The following AREL1 variants were observed in gnomAD, a reference collection of about 807,000 sequenced individuals.
AREL1 encodes apoptosis resistant E3 ubiquitin protein ligase 1.
A neutral mutation model predicts 99.0 loss-of-function variants in AREL1; 62 were observed. The observed-to-expected ratio is 0.63, with a 90% CI of 0.51 to 0.77. AREL1 has a LOEUF of 0.77. Among genes scored for constraint, AREL1 ranks in the 30% least tolerant of loss-of-function variants. AREL1 has a pLI of 0.00. For synonymous variants in AREL1, 380 were observed against 376.5 expected (o/e 1.01, Z -0.11); for missense variants, 879 against 1,027.6 (o/e 0.86, Z 1.98).
chr14:74,700,104 C>T (rs2090055759), intron 1 of AREL1, among the ~76,000 whole-genome samples: 2 of 152,218 alleles, frequency 1.3e-5, no homozygotes, highest in African/African-American at 2.4e-5. Context: ...AAAACTACAG[C>T]AACAATCCAA....
chr14:74,696,127 CA>C (rs2089975080), intron 1 of AREL1, among the ~76,000 whole-genome samples: 1 of 152,196 alleles, frequency 6.6e-6, no homozygotes, highest in South Asian at 2.1e-4. Flanking sequence ...ATATGGCCCA[CA>C]AAACTTTACT....
chr14:74,704,730 A>G (rs796788060), intron 1 of AREL1, among the ~76,000 whole-genome samples: 41 of 152,324 alleles, frequency 2.7e-4, no homozygotes, highest in African/African-American at 9.9e-4. Context: ...CAGAAAATAC[A>G]CTTTTTAAAG....
rs778707370 is a variant in AREL1, at chr14:74,669,990, C to A, written c.1745G>T (p.Arg582Leu). The A allele has an allele frequency of 6.2e-7, 1 of 1,613,348 alleles. No homozygotes were observed. Among genetic ancestry groups the A allele is most frequent in the Non-Finnish European group, 8.5e-7 (1 of 1,179,666 alleles). The part of the protein sequence containing the change: ...YKQLVRARFT[R>L]SFLAQIIGLR... The stretch of plus-strand genomic sequence containing the variant: ...TCCTATGATTTGGGCCAGGAAAGAG[C>A]GGGTGAAGCGAGCTCGGACCAACTG... Residue 582 changes from arginine (R) to leucine (L), a missense_variant, in exon 14 of 20, where the codon CGC becomes CTC. Physicochemically the swap from Arg to Leu is moderately radical, Grantham distance 102 (BLOSUM62 -2). Coordinates refer to ENST00000356357, the MANE Select transcript of AREL1 (RefSeq NM_001039479.2).
rs956659111 is a variant in AREL1, at chr14:74,678,329, C to G, written c.482-1577G>C. 4 of 390,696 alleles carry G rather than the reference C, an allele frequency of 1.0e-5. No individual in the cohort carries two copies. The Admixed American group carries it at 1.5e-4, about 14-fold the overall frequency. The allele number at this position is 390,696 out of a possible 1,614,324, so 24.2% of individuals were successfully genotyped here. On this transcript the variant is annotated intron_variant, in intron 5 of 19. Transcript: ENST00000356357. ...CTGGGCAACATAGTGAGACCCTATT[C>G]CTACAAAAAAGATAAAAAATTAGCT...
intron 2 of AREL1, 37 bp from the exon 3 acceptor site, chr14:74,685,697 C>T: frequency 6.3e-7 from 1 of 1,575,658 alleles, no homozygotes. Flanking sequence ...TTGTCTCCAA[C>T]TCTGCCTCAT....
intron 11 of AREL1, 118 bp from the exon 12 acceptor site, chr14:74,671,601 G>A: frequency 1.8e-6 from 1 of 546,508 alleles, no homozygotes; most frequent in Non-Finnish European, 3.2e-6. Flanking sequence ...GCCTGAAGGA[G>A]ATATGTTACT....
At position 74,673,080 on chromosome 14, in the gene AREL1, T is replaced by C. The variant is rs1398690266; in HGVS notation, c.1297A>G (p.Ile433Val). The C allele has an allele frequency of 1.2e-6, 2 of 1,614,052 alleles. No individual in the cohort carries two copies. Among genetic ancestry groups the C allele is most frequent in the African/African-American group, 1.3e-5 (1 of 74,934 alleles). ...TAGAATCCCTGTGTAACCTCACCTA[T>C]GTTCTTATGCAGGGAGCGGATAAAA... is the stretch of plus-strand genomic sequence containing the variant. ...ATFIRSLHKN[I>V]GGSETFQDKV... is the part of the protein sequence containing the mutation. Residue 433 changes from isoleucine to valine, a missense_variant, in exon 10 of 20, where the codon ATA (isoleucine) becomes GTA (valine). Physicochemically the swap from Ile to Val is conservative, Grantham distance 29. Transcript: ENST00000356357.
At chr14:74,706,040 C>T (rs1356407194) in intron 1 of AREL1, among the ~76,000 whole-genome samples, 3 of 152,092 alleles carry the variant, frequency 2.0e-5, no homozygotes, top group Admixed American at 6.6e-5. Flanking sequence ...CATTCTTAAC[C>T]CTAAATCTAG....
At position 74,670,851 on chromosome 14, in the gene AREL1, G is replaced by A. The variant is rs748782547; in HGVS notation, c.1519C>T (p.Arg507Cys). ...DEEALDWGGP[R>C]REWFELICKA... ...CAGATTAGCTCAAACCATTCCCGGC[G>A]AGGCCCTCCCCAGTCCAGAGCTGAA... Residue 507 changes from arginine (R) to cysteine (C), a missense_variant, in exon 13 of 20, where the codon CGC (arginine) becomes TGC (cysteine). Physicochemically the swap from Arg to Cys is radical, Grantham distance 180 (BLOSUM62 -3). Transcript: ENST00000356357. 4.0e-5 allele frequency: 65 copies of A among 1,613,924 alleles called. No homozygotes were observed. The highest frequency in any genetic ancestry group is 3.3e-4 in the Middle Eastern group (2 of 6,084).
chr14:74,683,207 T>A, intron 5 of AREL1, 89 bp downstream of exon 5: 1 of 887,970 alleles, frequency 1.1e-6, no homozygotes, highest in Non-Finnish European at 1.7e-6. Context: ...TAAATCTCAA[T>A]AAAGGTATTA....
At chr14:74,711,298 G>A (rs1268954002) in intron 1 of AREL1, among the ~76,000 whole-genome samples, 5 of 151,398 alleles carry the variant, frequency 3.3e-5, no homozygotes, top group African/African-American at 1.2e-4. Context: ...CCAGAACTTT[G>A]GGAGGCCGAG....
intron 1 of AREL1, among the ~76,000 whole-genome samples, chr14:74,697,848 T>G (rs1355157137): frequency 6.6e-6 from 1 of 152,168 alleles, no homozygotes; most frequent in East Asian, 1.9e-4. Flanking sequence ...CACAGAAATC[T>G]ACTGTGCTGC....
chr14:74,687,718 A>G (rs944943909), intron 2 of AREL1, among the ~76,000 whole-genome samples: 4 of 152,212 alleles, frequency 2.6e-5, no homozygotes, highest in African/African-American at 9.6e-5. Context: ...AGCAGCCTAC[A>G]GTAGTGCCTG....
chr14:74,676,688 C>G lies in AREL1; in HGVS notation c.546G>C (p.Gly182=). ...CHFSTLVLTC[G]QPHTLQIVPR... The stretch of plus-strand genomic sequence containing the variant: ...GTACTATTTGAAGGGTGTGCGGCTG[C>G]CCACAGGTCAATACAAGAGTAGAAA... Residue 182 remains glycine (G), a synonymous_variant, in exon 6 of 20, where the codon GGG becomes GGC. Coordinates refer to ENST00000356357, the MANE Select transcript of AREL1 (RefSeq NM_001039479.2). 1.2e-6 allele frequency: 2 copies of G among 1,613,922 alleles called. No homozygotes were observed. The highest frequency in any genetic ancestry group is 2.2e-5 in the South Asian group (2 of 91,054).
intron 11 of AREL1, 119 bp downstream of exon 11, chr14:74,672,712 G>C (rs2089377348): frequency 7.2e-7 from 1 of 1,397,030 alleles, no homozygotes; most frequent in Non-Finnish European, 9.8e-7. Flanking sequence ...CCCAGCCTGG[G>C]CAATAGAGTG....
At chr14:74,686,753 T>A (rs1287007562) in intron 2 of AREL1, among the ~76,000 whole-genome samples, 18 of 152,170 alleles carry the variant, frequency 1.2e-4, no homozygotes, top group Admixed American at 1.2e-3. Flanking sequence ...AGTAGGTAAT[T>A]TGAGGAATGA....
chr14:74,707,792 CA>C lies in AREL1; in HGVS notation c.-334+5140del, dbSNP rs35181427. Among the ~76,000 whole-genome samples the C allele has an allele frequency of 7.8e-3, 814 of 104,572 alleles. 6 individuals carry two copies. Among genetic ancestry groups the C allele is most frequent in the African/African-American group, 0.028 (752 of 26,682 alleles). The allele number at this position is 104,572 out of a possible 152,430, so 68.6% of individuals were successfully genotyped here. A position where few individuals can be genotyped will look rare whatever the true frequency, so the allele number is the denominator to read the frequency against. ...CTGGGCGACAGAGTGAGATTCGTCT[CA>C]AAAAAAAAAAAAAATTAGACGGGTA... On this transcript the variant is annotated intron_variant, in intron 1 of 19. Coordinates refer to ENST00000356357, the MANE Select transcript of AREL1 (RefSeq NM_001039479.2).
Position 74,667,605 on chromosome 14 carries a change from C to A in AREL1, c.1915-11G>T. On this transcript the variant is annotated splice_polypyrimidine_tract_variant and intron_variant, in intron 15 of 19. Transcript: ENST00000356357. ...CATGAGTTCTACAACCTGTAACAGG[C>A]AGCAAAAGACAGACAAGGGAGAGGC... is the stretch of plus-strand genomic sequence containing the variant. 6.3e-7 allele frequency: 1 copy of A among 1,591,676 alleles called. No homozygotes were observed. Among genetic ancestry groups the A allele is most frequent in the Non-Finnish European group, 8.6e-7 (1 of 1,168,040 alleles).
chr14:74,707,976 A>T (rs2139995932), intron 1 of AREL1, among the ~76,000 whole-genome samples: 2 of 151,898 alleles, frequency 1.3e-5, no homozygotes, highest in Middle Eastern at 3.4e-3. Context: ...AAAAAAAAAA[A>T]GAAATTACAC....
Sources: gnomAD v4.1 joint callset for allele counts (sites outside exome capture counted in the v4.1 genomes callset) on GRCh38, gnomAD v4.1.1 for gene constraint, MANE v1.5 for transcripts, NCBI Gene and HGNC (gene_info 2026-07-23, HGNC 2026-07-21) for gene names.